Variants in USP54 observed in about 807,000 individuals in gnomAD.
USP54 encodes the protein ubiquitin carboxyl-terminal hydrolase 54.
In USP54, 87 loss-of-function variants were observed where a neutral mutation model predicts 170.5. The ratio of observed to expected loss-of-function variants is 0.51; its 90% CI spans 0.43 to 0.61. The LOEUF (loss-of-function observed/expected upper bound fraction) is 0.61. Ranked by LOEUF, USP54 falls within the 20% of genes least tolerant of loss-of-function variation. The pLI is 0.00. For synonymous variants in USP54, 655 were observed against 742.8 expected, an observed-to-expected ratio of 0.88 and a Z score of 1.92; for missense variants, 1,786 against 2,047.8, an observed-to-expected ratio of 0.87 and a Z score of 2.47.
intron 22 of USP54, chr10:73,504,534 T>C (rs992703042): frequency 1.0e-5 from 3 of 298,202 alleles, no homozygotes; most frequent in African/African-American, 2.1e-5. Flanking sequence ...CTTTCTTTGA[T>C]TAGTGCAGTG....
intron 4 of USP54, among the ~76,000 whole-genome samples, chr10:73,552,398 G>A (rs1466368968): frequency 1.3e-5 from 2 of 149,296 alleles, no homozygotes; most frequent in African/African-American, 4.9e-5. Context: ...GGGTGATAGA[G>A]TGAGGCTCCA....
intron 3 of USP54, among the ~76,000 whole-genome samples, chr10:73,574,854 C>CA (rs111286609): frequency 0.049 from 3,146 of 64,490 alleles, 122 homozygotes; most frequent in African/African-American, 0.15. Context: ...TGAGACTGTC[C>CA]AAAAAAAAAA....
intron 15 of USP54, among the ~76,000 whole-genome samples, chr10:73,527,512 A>G (rs1169695642): frequency 2.0e-5 from 3 of 151,366 alleles, no homozygotes; most frequent in Non-Finnish European, 4.4e-5. Flanking sequence ...AAAAAAAAAA[A>G]AAAAAAGAAA....
chr10:73,513,009 C>T (rs1375740853), intron 20 of USP54, among the ~76,000 whole-genome samples: 1 of 151,232 alleles, frequency 6.6e-6, no homozygotes, highest in Non-Finnish European at 1.5e-5. Flanking sequence ...AAGACAACAA[C>T]ATGAGACCCT....
At chr10:73,579,480 C>T (rs1327704429) in intron 1 of USP54, among the ~76,000 whole-genome samples, 6 of 152,006 alleles carry the variant, frequency 3.9e-5, no homozygotes, top group South Asian at 2.1e-4. Flanking sequence ...TTTGGCCAGG[C>T]GCAGTGGCTC....
At chr10:73,607,451 T>G (rs1399304318) in intron 1 of USP54, among the ~76,000 whole-genome samples, 1 of 152,132 alleles carries the variant, frequency 6.6e-6, no homozygotes, top group East Asian at 1.9e-4. Flanking sequence ...CTATACAAAG[T>G]TTGAAGTCTG....
chr10:73,619,806 T>A (rs2080943281), intron 1 of USP54, among the ~76,000 whole-genome samples: 1 of 150,746 alleles, frequency 6.6e-6, no homozygotes, highest in African/African-American at 2.5e-5. Flanking sequence ...AAGTACAGTT[T>A]AAGGTAAACA....
intron 19 of USP54, 159 bp downstream of exon 19, chr10:73,519,638 T>G (rs1211000967): frequency 1.8e-6 from 2 of 1,115,296 alleles, no homozygotes; most frequent in Non-Finnish European, 2.5e-6. Context: ...AGCAGTACAA[T>G]GAGCTTTTCA....
chr10:73,572,100 C>A (rs1447172944), intron 3 of USP54, among the ~76,000 whole-genome samples: 1 of 152,174 alleles, frequency 6.6e-6, no homozygotes, highest in Non-Finnish European at 1.5e-5. Context: ...TGGCACTATA[C>A]TTTTGTGGTC....
At chr10:73,598,878 C>T (rs1278433427) in intron 1 of USP54, among the ~76,000 whole-genome samples, 1 of 152,146 alleles carries the variant, frequency 6.6e-6, no homozygotes, top group Non-Finnish European at 1.5e-5. Flanking sequence ...CAACAGAGCG[C>T]CACTGCACTC....
chr10:73,597,181 G>T (rs948997368), intron 1 of USP54, among the ~76,000 whole-genome samples: 2 of 152,132 alleles, frequency 1.3e-5, no homozygotes, highest in Non-Finnish European at 2.9e-5. Flanking sequence ...ACTAACTTTG[G>T]GAGGAACTTA....
intron 1 of USP54, among the ~76,000 whole-genome samples, chr10:73,597,977 G>A (rs755183156): frequency 3.3e-5 from 5 of 152,052 alleles, no homozygotes; most frequent in South Asian, 2.1e-4. Context: ...CCAGCTACTC[G>A]GGAGGCTGAG....
At chr10:73,546,614 C>A (rs550881418) in intron 4 of USP54, 6 of 152,158 alleles carry the variant, frequency 3.9e-5, no homozygotes, top group African/African-American at 1.4e-4. Context: ...GGATTACAGA[C>A]GTGAATCACT....
Position 73,526,791 on chromosome 10 carries a change from G to A in USP54, c.2061-11C>T. The A allele has an allele frequency of 6.2e-7, 1 of 1,612,508 alleles. No individual in the cohort carries two copies. The highest frequency in any genetic ancestry group is 1.7e-5 in the Admixed American group (1 of 59,802). Reference sequence around the variant, plus strand: ...TTAGCACTTGGATCCCTTCAAAAGAGAACTCAGAGTCTAGTGAAAGCATGA... The same window carrying A: ...TTAGCACTTGGATCCCTTCAAAAGAAAACTCAGAGTCTAGTGAAAGCATGA... On this transcript the variant is annotated splice_polypyrimidine_tract_variant and intron_variant, in intron 15 of 23. Coordinates refer to ENST00000687698, the MANE Select transcript of USP54 (RefSeq NM_001391956.1).
rs568547017 is a variant in USP54, at chr10:73,616,317, G to A, written c.-18+9250C>T. 5.6e-4 allele frequency among the ~76,000 whole-genome samples: 62 copies of A among 109,834 alleles called. 2 individuals carry two copies. Among genetic ancestry groups the A allele is most frequent in the African/African-American group, 2.6e-3 (62 of 24,082 alleles). 72.1% of individuals were successfully genotyped at this position (109,834 alleles called of 152,430 possible). A position where few individuals can be genotyped will look rare whatever the true frequency, so the allele number is the denominator to read the frequency against. ...TGCGCCACTGCACTCCAGCCTAGGC[G>A]ACAGCAAGACTCCATCTCAAAAAAA... On this transcript the variant is annotated intron_variant, in intron 1 of 22. Transcript: ENST00000339859.
intron 5 of USP54, 74 bp from the exon 6 acceptor site, chr10:73,543,205 C>T: frequency 4.8e-6 from 5 of 1,040,734 alleles, no homozygotes; most frequent in Non-Finnish European, 5.9e-6. Context: ...AAGCAGCTTA[C>T]CCATAGAAAC....
At chr10:73,572,990 A>C (rs938468688) in intron 3 of USP54, among the ~76,000 whole-genome samples, 2 of 152,200 alleles carry the variant, frequency 1.3e-5, no homozygotes, top group African/African-American at 4.8e-5. Flanking sequence ...GTAACTAAAA[A>C]AACTAATATG....
At chr10:73,547,744 A>C (rs1564787726) in intron 4 of USP54, among the ~76,000 whole-genome samples, 1 of 152,354 alleles carries the variant, frequency 6.6e-6, no homozygotes. Context: ...AGATGGATTA[A>C]AGACTTAAAT....
chr10:73,601,290 AC>A (rs1174215214), intron 1 of USP54, among the ~76,000 whole-genome samples: 1 of 152,192 alleles, frequency 6.6e-6, no homozygotes, highest in Non-Finnish European at 1.5e-5. Context: ...GAGAAATGAA[AC>A]CAGTCAAGAC....
Sources: gnomAD v4.1 joint callset for allele counts (sites outside exome capture counted in the v4.1 genomes callset) on GRCh38, gnomAD v4.1.1 for gene constraint, MANE v1.5 for transcripts, NCBI Gene and HGNC (gene_info 2026-07-23, HGNC 2026-07-21) for gene names.